Variants in RAP1B observed in about 807,000 individuals in gnomAD.
The protein encoded by RAP1B is RAP1B, member of RAS oncogene family, also known as ras-related protein Rap-1b.
Under a neutral mutation model 27.5 loss-of-function variants are expected in RAP1B, and 1 was observed. The ratio of observed to expected loss-of-function variants is 0.04; its 90% CI spans 0.01 to 0.17. The LOEUF (loss-of-function observed/expected upper bound fraction) is 0.17. Ranked by LOEUF, RAP1B falls within the 10% of genes least tolerant of loss-of-function variation. The pLI is 1.00. For missense variants in RAP1B, 84 were observed against 214.8 expected (o/e 0.39, Z 3.81); for synonymous variants, 75 against 73.1 (o/e 1.03, Z -0.13).
At chr12:68,621,248 A>ATAT (rs1871364508) in intron 1 of RAP1B, among the ~76,000 whole-genome samples, 3 of 150,476 alleles carry the variant, frequency 2.0e-5, no homozygotes, top group Non-Finnish European at 4.5e-5. Flanking sequence ...TGCTCCCTAT[A>ATAT]TTAAATAATT....
Position 68,657,120 on chromosome 12 carries a change from G to T in RAP1B, c.488G>T (p.Arg163Leu), listed in dbSNP as rs759940766. 1.5e-5 allele frequency: 24 copies of T among 1,613,280 alleles called. No individual in the cohort carries two copies. Among genetic ancestry groups the T allele is most frequent in the Non-Finnish European group, 1.9e-5 (23 of 1,179,560 alleles). The change falls in exon 7 of 8, where the codon CGG becomes CTG. Residue 163 changes from arginine to leucine, a missense_variant. Physicochemically the swap from Arg to Leu is moderately radical, Grantham distance 102. Coordinates refer to ENST00000250559, the MANE Select transcript of RAP1B (RefSeq NM_001010942.3). The part of the protein sequence containing the change: ...NVNEIFYDLV[R>L]QINRKTPVPG... ...TTGCAGATCTTTTATGACCTAGTGC[G>T]GCAAATTAACAGAAAAACTCCAGTG... is the stretch of plus-strand genomic sequence containing the variant.
rs922285747 is a variant in RAP1B, at chr12:68,671,685, G to C, written c.*12436G>C. 6.6e-6 allele frequency: 1 copy of C among 152,106 alleles called. No individual in the cohort carries two copies. Among genetic ancestry groups the C allele is most frequent in the Non-Finnish European group, 1.5e-5 (1 of 68,032 alleles). The allele number at this position is 152,106 out of a possible 1,614,324, so 9.4% of individuals were successfully genotyped here. ...TAGGAGTAGGGGTGAGGAAGTGAAG[G>C]ATCTGAGTAGGTGGAAAAAGAAAAG... On this transcript the variant is annotated 3_prime_UTR_variant, in exon 8 of 8. Coordinates refer to ENST00000250559, the MANE Select transcript of RAP1B (RefSeq NM_001010942.3).
chr12:68,663,720 A>G lies in RAP1B; in HGVS notation c.*4471A>G, dbSNP rs769772042. On this transcript the variant is annotated 3_prime_UTR_variant, in exon 8 of 8. Coordinates refer to ENST00000250559, the MANE Select transcript of RAP1B (RefSeq NM_001010942.3). ...TTAGGAATTACAGGCTTTATCCAAAATTAGGCATATCTACCTGATTTTTGT... is the reference window on the plus strand; with the variant it reads ...TTAGGAATTACAGGCTTTATCCAAAGTTAGGCATATCTACCTGATTTTTGT... 5 of 152,226 alleles carry G rather than the reference A, an allele frequency of 3.3e-5. No homozygotes were observed. Among genetic ancestry groups the G allele is most frequent in the Admixed American group, 1.3e-4 (2 of 15,276 alleles). The allele number at this position is 152,226 out of a possible 1,614,324, so 9.4% of individuals were successfully genotyped here.
intron 1 of RAP1B, among the ~76,000 whole-genome samples, chr12:68,615,978 T>C (rs1176555554): frequency 6.6e-6 from 1 of 152,136 alleles, no homozygotes; most frequent in Non-Finnish European, 1.5e-5. Context: ...TTTTTTTTTT[T>C]TTTGAGATGG....
At chr12:68,625,074 T>C (rs1871655817) in intron 1 of RAP1B, among the ~76,000 whole-genome samples, 1 of 152,282 alleles carries the variant, frequency 6.6e-6, no homozygotes, top group Admixed American at 6.5e-5. Context: ...TGATGTTTTT[T>C]GGATACCGTC....
intron 4 of RAP1B, 107 bp downstream of exon 4, chr12:68,652,158 G>C: frequency 1.2e-6 from 1 of 865,090 alleles, no homozygotes; most frequent in Non-Finnish European, 1.8e-6. Flanking sequence ...TAAAAGTACT[G>C]CTTGCAGCCG....
chr12:68,633,565 T>G (rs1367584616), intron 1 of RAP1B, among the ~76,000 whole-genome samples: 4 of 152,152 alleles, frequency 2.6e-5, no homozygotes, highest in Non-Finnish European at 5.9e-5. Flanking sequence ...ACATAACCTC[T>G]GTCACAGTTA....
intron 1 of RAP1B, among the ~76,000 whole-genome samples, chr12:68,630,555 T>C (rs1251563343): frequency 3.3e-5 from 5 of 152,234 alleles, no homozygotes. Flanking sequence ...AGGCACTGTG[T>C]TAAGTTTTGA....
intron 5 of RAP1B, among the ~76,000 whole-genome samples, chr12:68,656,082 T>C (rs1044614562): frequency 3.3e-5 from 5 of 152,200 alleles, no homozygotes; most frequent in African/African-American, 1.2e-4. Flanking sequence ...ATCGTTTGCA[T>C]CTCCATGAAA....
At chr12:68,647,574 T>C (rs1185353885) in intron 1 of RAP1B, among the ~76,000 whole-genome samples, 6 of 137,572 alleles carry the variant, frequency 4.4e-5, no homozygotes, top group African/African-American at 1.3e-4. Flanking sequence ...TTTTTTTCCC[T>C]TTTTTTTTTT....
intron 1 of RAP1B, among the ~76,000 whole-genome samples, chr12:68,638,920 C>T (rs1430665037): frequency 6.6e-6 from 1 of 152,170 alleles, no homozygotes; most frequent in Non-Finnish European, 1.5e-5. Context: ...CTCGGCCCCG[C>T]AAAGTGCTGG....
chr12:68,623,805 G>C (rs1228756505), intron 1 of RAP1B, among the ~76,000 whole-genome samples: 1 of 152,134 alleles, frequency 6.6e-6, no homozygotes, highest in Admixed American at 6.5e-5. Context: ...GGTGGATCAC[G>C]AGGTCAGGAG....
At chr12:68,642,824 T>C (rs1873117516) in intron 1 of RAP1B, 2 of 1,006,020 alleles carry the variant, frequency 2.0e-6, no homozygotes, top group Non-Finnish European at 3.2e-6. Context: ...GTTGGCCTTG[T>C]AGTAAGCCCA....
Position 68,647,335 on chromosome 12 carries a change from C to T in RAP1B, c.-26-1364C>T, listed in dbSNP as rs564201553. Among the ~76,000 whole-genome samples, 345 of 139,760 alleles carry T rather than the reference C, an allele frequency of 2.5e-3. 3 individuals are homozygous for T. Among genetic ancestry groups the T allele is most frequent in the South Asian group, 0.022 (86 of 3,892 alleles). The allele number at this position is 139,760 out of a possible 152,430, so 91.7% of individuals were successfully genotyped here. Reference sequence around the variant, plus strand: ...GGATCATGAGGTCAAGAGATCGAGACCATCCTGGCCAACATGGTGAAGCCC... The same window carrying T: ...GGATCATGAGGTCAAGAGATCGAGATCATCCTGGCCAACATGGTGAAGCCC... On this transcript the variant is annotated intron_variant, in intron 1 of 7. Transcript: ENST00000250559.
intron 5 of RAP1B, among the ~76,000 whole-genome samples, chr12:68,655,444 G>A (rs562989223): frequency 4.6e-5 from 7 of 152,038 alleles, no homozygotes; most frequent in Admixed American, 1.3e-4. Context: ...AATTTGGGGG[G>A]ACCCTACATA....
intron 1 of RAP1B, among the ~76,000 whole-genome samples, chr12:68,629,407 T>C (rs1483077828): frequency 6.6e-6 from 1 of 152,214 alleles, no homozygotes; most frequent in African/African-American, 2.4e-5. Flanking sequence ...ATTAGAAATA[T>C]ATTTATTGGT....
At chr12:68,657,559 C>CA in intron 7 of RAP1B, 1 of 162,824 alleles carries the variant, frequency 6.1e-6, no homozygotes, top group Non-Finnish European at 1.3e-5. Flanking sequence ...CACGTGCCAC[C>CA]ACGCCCGGCT....
chr12:68,661,038 A>G lies in RAP1B; in HGVS notation c.*1789A>G, dbSNP rs532824854. The stretch of plus-strand genomic sequence containing the variant: ...TTTTAAAACTTTTTAAAAATTGTAA[A>G]GCTCTTAAAAAACTTTTTGAAAGTA... On this transcript the variant is annotated 3_prime_UTR_variant, in exon 8 of 8. Transcript: ENST00000250559. The G allele has an allele frequency of 1.9e-4, 29 of 152,324 alleles. No individual in the cohort carries two copies. Among genetic ancestry groups the G allele is most frequent in the African/African-American group, 6.3e-4 (26 of 41,572 alleles). The allele number at this position is 152,324 out of a possible 1,614,324, so 9.4% of individuals were successfully genotyped here.
At chr12:68,644,244 T>G (rs1873231848) in intron 1 of RAP1B, among the ~76,000 whole-genome samples, 1 of 152,218 alleles carries the variant, frequency 6.6e-6, no homozygotes, top group African/African-American at 2.4e-5. Context: ...GGTTTTTGCT[T>G]TTTTATATTG....
Sources: gnomAD v4.1 joint callset for allele counts (sites outside exome capture counted in the v4.1 genomes callset) on GRCh38, gnomAD v4.1.1 for gene constraint, MANE v1.5 for transcripts, NCBI Gene and HGNC (gene_info 2026-07-23, HGNC 2026-07-21) for gene names.